Variants in THSD7A observed in about 807,000 individuals in gnomAD.
The protein encoded by THSD7A is thrombospondin type 1 domain containing 7A.
Under a neutral mutation model 231.3 loss-of-function variants are expected in THSD7A, and 96 were observed. The observed-to-expected ratio is 0.41, with a 90% CI of 0.35 to 0.49. The LOEUF is 0.49. THSD7A is among the 20% of genes least tolerant of loss of function. The pLI is 0.05. For synonymous variants in THSD7A, 940 were observed against 743.3 expected, an observed-to-expected ratio of 1.26 and a Z score of -4.30; for missense variants, 2,290 against 2,070.2, an observed-to-expected ratio of 1.11 and a Z score of -2.06.
intron 6 of THSD7A, among the ~76,000 whole-genome samples, chr7:11,519,423 C>T (rs2189320): frequency 0.16 from 24,586 of 152,108 alleles, 2,338 homozygotes; most frequent in African/African-American, 0.27. Flanking sequence ...CATTTCTCTT[C>T]GTATATGTTC....
chr7:11,422,955 A>AT (rs968787628), intron 16 of THSD7A, among the ~76,000 whole-genome samples: 81 of 152,006 alleles, frequency 5.3e-4, no homozygotes, highest in African/African-American at 1.9e-3. Context: ...CCGGCCTATA[A>AT]TTTTTTTTAC....
chr7:11,832,155 G>A lies in THSD7A; in HGVS notation c.-209C>T, dbSNP rs1785218921. 1 of 338,378 alleles carries A rather than the reference G, an allele frequency of 3.0e-6. No homozygotes were observed. The highest frequency in any genetic ancestry group is 5.2e-6 in the Non-Finnish European group (1 of 191,086). The allele number at this position is 338,378 out of a possible 1,614,324, so 21.0% of individuals were successfully genotyped here. ...CGTGGCCGCTGCCGCCGCCGCCGCC[G>A]CCTCTGGCGGGGATGCTGCTGCCGC... On this transcript the variant is annotated 5_prime_UTR_variant, in exon 1 of 28. Coordinates refer to ENST00000423059, the MANE Select transcript of THSD7A (RefSeq NM_015204.3).
chr7:11,554,397 G>C (rs1789757482), intron 4 of THSD7A, among the ~76,000 whole-genome samples: 2 of 152,034 alleles, frequency 1.3e-5, no homozygotes, highest in Admixed American at 1.3e-4. Flanking sequence ...TCCAGTGTTA[G>C]GGAACAAGCA....
intron 6 of THSD7A, among the ~76,000 whole-genome samples, chr7:11,492,059 T>C (rs1322168323): frequency 6.6e-6 from 1 of 152,000 alleles, no homozygotes; most frequent in African/African-American, 2.4e-5. Context: ...TTCTCTGTGG[T>C]TCTCCTGATC....
At chr7:11,752,028 G>A (rs546239611) in intron 1 of THSD7A, among the ~76,000 whole-genome samples, 1 of 152,242 alleles carries the variant, frequency 6.6e-6, no homozygotes, top group South Asian at 2.1e-4. Context: ...CTCTGAGAGA[G>A]TGTTGCCCCA....
At chr7:11,558,466 G>C (rs991180958) in intron 4 of THSD7A, among the ~76,000 whole-genome samples, 1 of 152,026 alleles carries the variant, frequency 6.6e-6, no homozygotes, top group Non-Finnish European at 1.5e-5. Flanking sequence ...CTCTCTCCTG[G>C]TGAACTACTA....
intron 1 of THSD7A, among the ~76,000 whole-genome samples, chr7:11,802,605 A>C (rs1200745286): frequency 6.6e-6 from 1 of 152,144 alleles, no homozygotes; most frequent in Non-Finnish European, 1.5e-5. Context: ...TAAGTTATAT[A>C]TTCTGGTTCT....
chr7:11,696,797 G>A (rs999068870), intron 1 of THSD7A, among the ~76,000 whole-genome samples: 8 of 151,546 alleles, frequency 5.3e-5, no homozygotes, highest in African/African-American at 1.4e-4. Flanking sequence ...TTTCAAACCC[G>A]TATACTTATA....
intron 1 of THSD7A, among the ~76,000 whole-genome samples, chr7:11,682,985 G>A (rs763120658): frequency 1.3e-5 from 2 of 151,788 alleles, no homozygotes; most frequent in South Asian, 2.1e-4. Flanking sequence ...TAGTTGGCAC[G>A]GTGGCAGGTG....
chr7:11,376,780 G>T, intron 26 of THSD7A, 123 bp from the exon 27 acceptor site: 1 of 550,534 alleles, frequency 1.8e-6, no homozygotes, highest in Non-Finnish European at 3.1e-6. Context: ...AAGAATTATT[G>T]CTTCAGCACA....
At chr7:11,512,882 C>T (rs569419743) in intron 6 of THSD7A, among the ~76,000 whole-genome samples, 60 of 142,230 alleles carry the variant, frequency 4.2e-4, no homozygotes, top group African/African-American at 1.5e-3. Context: ...ACATACGTAA[C>T]GAATCTGCAC....
intron 1 of THSD7A, among the ~76,000 whole-genome samples, chr7:11,800,485 G>A (rs1784244988): frequency 6.6e-6 from 1 of 152,112 alleles, no homozygotes; most frequent in African/African-American, 2.4e-5. Context: ...GGAGGCAGAG[G>A]TTGCAGCCAG....
At chr7:11,658,647 T>A (rs1294210861) in intron 1 of THSD7A, among the ~76,000 whole-genome samples, 4 of 151,698 alleles carry the variant, frequency 2.6e-5, no homozygotes, top group Admixed American at 2.0e-4. Flanking sequence ...GACTCTTTAC[T>A]TATATTTCCA....
intron 23 of THSD7A, among the ~76,000 whole-genome samples, chr7:11,393,765 A>G (rs888712755): frequency 6.6e-6 from 1 of 152,270 alleles, no homozygotes; most frequent in Admixed American, 6.5e-5. Context: ...AAACAATATC[A>G]GAGATTGAAG....
At chr7:11,745,502 G>A (rs1005057626) in intron 1 of THSD7A, among the ~76,000 whole-genome samples, 1 of 151,990 alleles carries the variant, frequency 6.6e-6, no homozygotes, top group Non-Finnish European at 1.5e-5. Context: ...TTGTGTTTTA[G>A]AAATGAAGTC....
chr7:11,800,847 C>T (rs1294838662), intron 1 of THSD7A, among the ~76,000 whole-genome samples: 3 of 152,036 alleles, frequency 2.0e-5, no homozygotes, highest in African/African-American at 7.3e-5. Flanking sequence ...GTGTTGTGCA[C>T]GTTAATAAAA....
At chr7:11,782,892 ACTGT>A (rs371947022) in intron 1 of THSD7A, among the ~76,000 whole-genome samples, 79 of 152,258 alleles carry the variant, frequency 5.2e-4, no homozygotes, top group African/African-American at 1.7e-3. Context: ...ATCATTGTTG[ACTGT>A]CTGTTTTACT....
chr7:11,416,351 T>A (rs980773634), intron 17 of THSD7A, among the ~76,000 whole-genome samples: 1 of 152,178 alleles, frequency 6.6e-6, no homozygotes, highest in East Asian at 1.9e-4. Flanking sequence ...AAAAATGGAA[T>A]CTCTTCATAA....
chr7:11,616,230 C>T (rs1781098663), intron 2 of THSD7A, among the ~76,000 whole-genome samples: 1 of 152,080 alleles, frequency 6.6e-6, no homozygotes, highest in African/African-American at 2.4e-5. Context: ...GACTCATTTG[C>T]TACTCCTTTC....
Sources: allele counts gnomAD v4.1 joint callset (sites outside exome capture counted in the v4.1 genomes callset), GRCh38; gene constraint gnomAD v4.1.1; transcripts MANE v1.5; gene names NCBI Gene and HGNC (gene_info 2026-07-23, HGNC 2026-07-21).